The following ARGLU1 variants were observed in gnomAD, a reference collection of about 807,000 sequenced individuals.
ARGLU1 encodes the protein arginine and glutamate rich 1, also known as arginine and glutamate-rich protein 1.
A neutral mutation model predicts 37.6 loss-of-function variants in ARGLU1; 9 were observed. The ratio of observed to expected loss-of-function variants is 0.24; its 90% confidence interval spans 0.14 to 0.42. The LOEUF (loss-of-function observed/expected upper bound fraction) is 0.42, where lower values mean the gene tolerates loss of function less well. Among genes scored for constraint, ARGLU1 ranks in the 10% least tolerant of loss-of-function variants. ARGLU1 has a pLI of 1.00. For synonymous variants in ARGLU1, 166 were observed against 138.5 expected (o/e 1.20, Z -1.39); for missense variants, 211 against 359.2 (o/e 0.59, Z 3.34).
intron 3 of ARGLU1, among the ~76,000 whole-genome samples, chr13:106,551,824 T>G (rs1403847294): frequency 3.3e-5 from 5 of 152,148 alleles, no homozygotes; most frequent in Admixed American, 2.0e-4. Context: ...TCCTCTGTCT[T>G]TACTTAGCTT....
At chr13:106,558,045 A>G in intron 2 of ARGLU1, 1 of 985,364 alleles carries the variant, frequency 1.0e-6, no homozygotes, top group Non-Finnish European at 1.2e-6. Context: ...TGATGGCTTG[A>G]GCAGTGTTCA....
chr13:106,543,728 T>C lies in ARGLU1; in HGVS notation c.*268A>G. 1 of 308,598 alleles carries C rather than the reference T, an allele frequency of 3.2e-6. No homozygotes were observed. The highest frequency in any genetic ancestry group is 5.9e-6 in the Non-Finnish European group (1 of 170,752). The allele number at this position is 308,598 out of a possible 1,614,324, so 19.1% of individuals were successfully genotyped here. ...TCCATAGTTTTACAATGTGATCTGCTCTTCCTCAGACCACTAATATAGAAT... is the reference window on the plus strand; with the variant it reads ...TCCATAGTTTTACAATGTGATCTGCCCTTCCTCAGACCACTAATATAGAAT... On this transcript the variant is annotated 3_prime_UTR_variant, in exon 4 of 4. Transcript: ENST00000400198.
intron 3 of ARGLU1, among the ~76,000 whole-genome samples, chr13:106,544,734 C>G (rs566977792): frequency 6.6e-6 from 1 of 152,216 alleles, no homozygotes; most frequent in African/African-American, 2.4e-5. Flanking sequence ...AAAAAATCTC[C>G]ACTGGGGCTT....
intron 2 of ARGLU1, chr13:106,558,479 C>T: frequency 1.0e-6 from 1 of 985,320 alleles, no homozygotes; most frequent in Non-Finnish European, 1.2e-6. Context: ...AATACAACTA[C>T]AGGATTTCCT....
intron 1 of ARGLU1, chr13:106,562,047 A>C (rs1186058519): frequency 6.6e-6 from 1 of 152,226 alleles, no homozygotes; most frequent in African/African-American, 2.4e-5. Context: ...GAAATGACCT[A>C]GTGCAGTTTC....
intron 3 of ARGLU1, among the ~76,000 whole-genome samples, chr13:106,556,225 C>A (rs979573755): frequency 1.2e-4 from 19 of 152,194 alleles, no homozygotes; most frequent in African/African-American, 4.6e-4. Flanking sequence ...TTATGGCTTT[C>A]CAATAGATTC....
chr13:106,548,906 G>A (rs1200949984), intron 3 of ARGLU1, among the ~76,000 whole-genome samples: 1 of 152,056 alleles, frequency 6.6e-6, no homozygotes, highest in African/African-American at 2.4e-5. Flanking sequence ...GTGCCACAAC[G>A]CCCGGCTCCT....
rs746158727 is a variant in ARGLU1, at chr13:106,559,371, G to C, written c.573+61C>G. 1.5e-5 allele frequency: 24 copies of C among 1,602,484 alleles called. No individual in the cohort carries two copies. The Admixed American group carries it at 3.9e-4, about 26-fold the overall frequency. ...CTCTTTCTGAACTGAGCAGGAGGCA[G>C]AACCCAACACTGAAAGTTTTGCCAT... On this transcript the variant is annotated intron_variant, in intron 2 of 3. Transcript: ENST00000400198.
chr13:106,545,527 G>GTA (rs1880366478), intron 3 of ARGLU1, among the ~76,000 whole-genome samples: 1 of 152,026 alleles, frequency 6.6e-6, no homozygotes, highest in Non-Finnish European at 1.5e-5. Context: ...ATTCTCTAAT[G>GTA]CCACACACTA....
At chr13:106,550,484 C>T (rs1401948396) in intron 3 of ARGLU1, among the ~76,000 whole-genome samples, 1 of 152,224 alleles carries the variant, frequency 6.6e-6, no homozygotes, top group Non-Finnish European at 1.5e-5. Context: ...AACTTCATTT[C>T]AAATTAAAAT....
rs551258605 is a variant in ARGLU1, at chr13:106,551,620, T to C, written c.657+5428A>G. Among the ~76,000 whole-genome samples, 12 of 152,310 alleles carry C rather than the reference T, an allele frequency of 7.9e-5. No individual in the cohort carries two copies. The East Asian group carries it at 2.3e-3, about 29-fold the overall frequency. On this transcript the variant is annotated intron_variant, in intron 3 of 3. Coordinates refer to ENST00000400198, the MANE Select transcript of ARGLU1 (RefSeq NM_018011.4). ...CAAACTAAACAGCTCAAAATAAATTTATTCTGGAGGCCAGGAGTCTGAAAT... is the reference window on the plus strand; with the variant it reads ...CAAACTAAACAGCTCAAAATAAATTCATTCTGGAGGCCAGGAGTCTGAAAT...
chr13:106,543,088 TTG>T lies in ARGLU1; in HGVS notation c.*906_*907del, dbSNP rs1880301993. 1 of 152,126 alleles carries T rather than the reference TTG, an allele frequency of 6.6e-6. No individual in the cohort carries two copies. The highest frequency in any genetic ancestry group is 2.4e-5 in the African/African-American group (1 of 41,444). 9.4% of individuals were successfully genotyped at this position (152,126 alleles called of 1,614,324 possible). ...TTTGAGAATTTAAATCTTCTGGATG[TTG>T]TTAGTCTTTCTTAAAGGTAACACTG... is the stretch of plus-strand genomic sequence containing the variant. On this transcript the variant is annotated 3_prime_UTR_variant, in exon 4 of 4. Transcript: ENST00000400198.
Position 106,544,103 on chromosome 13 carries a change from T to G in ARGLU1, c.715A>C (p.Lys239Gln). The G allele has an allele frequency of 6.2e-7, 1 of 1,606,706 alleles. No homozygotes were observed. The highest frequency in any genetic ancestry group is 8.5e-7 in the Non-Finnish European group (1 of 1,177,862). The change falls in exon 4 of 4, where the codon AAA becomes CAA. Residue 239 changes from lysine to glutamine, a missense_variant. Lys to Gln is a moderately conservative substitution (Grantham distance 53). Transcript: ENST00000400198. Reference sequence around the variant, plus strand: ...TGACGTTGTCGTTCTTGTTCTAGTTTCATCCTTTCCTCATGAATCTTTCTT... The same window carrying G: ...TGACGTTGTCGTTCTTGTTCTAGTTGCATCCTTTCCTCATGAATCTTTCTT... ...EQRKIHEERMKLEQERQRQQK... is the reference protein window; with the variant it reads ...EQRKIHEERMQLEQERQRQQK...
At chr13:106,561,792 T>C (rs1280256501) in intron 1 of ARGLU1, 2 of 152,226 alleles carry the variant, frequency 1.3e-5, no homozygotes, top group Admixed American at 6.5e-5. Context: ...TCCATAGCTT[T>C]GGTCAGTAAG....
At chr13:106,549,995 G>A (rs371276728) in intron 3 of ARGLU1, among the ~76,000 whole-genome samples, 5 of 152,236 alleles carry the variant, frequency 3.3e-5, no homozygotes, top group Admixed American at 1.3e-4. Flanking sequence ...ATCTAGATGT[G>A]GCTCTTTTAA....
chr13:106,549,952 T>A (rs563224834), intron 3 of ARGLU1, among the ~76,000 whole-genome samples: 1 of 152,336 alleles, frequency 6.6e-6, no homozygotes, highest in Non-Finnish European at 1.5e-5. Flanking sequence ...TTCTTTATAC[T>A]TTCTGTTCTA....
In ARGLU1 at chr13:106,567,424, C is replaced by T. The variant is rs1880999128; in HGVS notation, c.347+149G>A. On this transcript the variant is annotated intron_variant, in intron 1 of 3. Coordinates refer to ENST00000400198, the MANE Select transcript of ARGLU1 (RefSeq NM_018011.4). The surrounding 1 kb of genome is among the most constrained non-coding windows in gnomAD (Gnocchi z 4.3). ...AACGCCAAGCCTGCCCGCCCCGCCG[C>T]CGCCTCTCCGACCCGTTCCCGCGCC... 5.6e-6 allele frequency: 3 copies of T among 533,914 alleles called. No individual in the cohort carries two copies. The highest frequency in any genetic ancestry group is 4.9e-4 in the Middle Eastern group (1 of 2,034). 33.1% of individuals were successfully genotyped at this position (533,914 alleles called of 1,614,324 possible).
intron 3 of ARGLU1, among the ~76,000 whole-genome samples, chr13:106,548,766 T>C (rs1880459170): frequency 6.6e-6 from 1 of 152,190 alleles, no homozygotes; most frequent in East Asian, 1.9e-4. Context: ...TATTTATTTT[T>C]AGACAGAGTC....
chr13:106,553,440 G>T (rs1163240587), intron 3 of ARGLU1, among the ~76,000 whole-genome samples: 2 of 152,104 alleles, frequency 1.3e-5, no homozygotes, highest in African/African-American at 4.8e-5. Context: ...ATTTGTAAAT[G>T]ATTCTATCTC....
Sources: allele counts gnomAD v4.1 joint callset (sites outside exome capture counted in the v4.1 genomes callset), GRCh38; gene constraint gnomAD v4.1.1; non-coding constraint Gnocchi (gnomAD v3.1); transcripts MANE v1.5; gene names NCBI Gene and HGNC (gene_info 2026-07-23, HGNC 2026-07-21).